PDE4B: variants seen among roughly 807,000 people sequenced by gnomAD.
PDE4B encodes phosphodiesterase 4B, also known as 3',5'-cyclic-AMP phosphodiesterase 4B.
Under a neutral mutation model 82.2 loss-of-function variants are expected in PDE4B, and 20 were observed. That is an observed-to-expected ratio of 0.24 (90% CI 0.17 to 0.35). The LOEUF is 0.35. Ranked by LOEUF, PDE4B falls within the 10% of genes least tolerant of loss-of-function variation. The pLI is 1.00. For synonymous variants in PDE4B, 320 were observed against 318.9 expected (o/e 1.00, Z -0.04); for missense variants, 655 against 907.2 (o/e 0.72, Z 3.57).
At chr1:66,012,948 A>G (rs982352969) in intron 3 of PDE4B, among the ~76,000 whole-genome samples, 1 of 152,118 alleles carries the variant, frequency 6.6e-6, no homozygotes, top group African/African-American at 2.4e-5. Context: ...ATACGGTACT[A>G]TTAGTATCCC....
At chr1:66,011,556 G>A (rs953547132) in intron 3 of PDE4B, among the ~76,000 whole-genome samples, 4 of 152,034 alleles carry the variant, frequency 2.6e-5, no homozygotes, top group African/African-American at 9.7e-5. Context: ...TTATGTAGAA[G>A]AGAAAATTTT....
intron 3 of PDE4B, among the ~76,000 whole-genome samples, chr1:66,097,374 A>G (rs1313890086): frequency 6.6e-6 from 1 of 152,066 alleles, no homozygotes; most frequent in African/African-American, 2.4e-5. Flanking sequence ...AGATATTTGT[A>G]TGTGTTTATT....
chr1:66,351,063 T>C (rs763892406), intron 8 of PDE4B, among the ~76,000 whole-genome samples: 8 of 152,234 alleles, frequency 5.3e-5, no homozygotes, highest in Non-Finnish European at 8.8e-5. Context: ...TCTTCCCTTT[T>C]CAAAAAATAG....
At chr1:66,140,789 G>A (rs565457368) in intron 3 of PDE4B, among the ~76,000 whole-genome samples, 1 of 152,118 alleles carries the variant, frequency 6.6e-6, no homozygotes, top group Non-Finnish European at 1.5e-5. Flanking sequence ...CATTTTCATT[G>A]GGAGGAGTAG....
chr1:65,990,007 A>T (rs1341309585), intron 3 of PDE4B, among the ~76,000 whole-genome samples: 2 of 149,798 alleles, frequency 1.3e-5, no homozygotes, highest in African/African-American at 4.9e-5. Context: ...ATTATCTTTT[A>T]AATTTTATAT....
intron 3 of PDE4B, among the ~76,000 whole-genome samples, chr1:65,949,764 A>G (rs1351636961): frequency 1.1e-4 from 16 of 152,006 alleles, no homozygotes; most frequent in Admixed American, 7.2e-4. Flanking sequence ...ATACCTTTGT[A>G]TAACTTCAAA....
In PDE4B at chr1:66,150,326, G is replaced by A. The variant is rs2311456; in HGVS notation, c.282-97134G>A. Among the ~76,000 whole-genome samples, 1,469 of 152,096 alleles carry A rather than the reference G, an allele frequency of 9.7e-3. 30 individuals carry two copies. Among genetic ancestry groups the A allele is most frequent in the African/African-American group, 0.034 (1,410 of 41,512 alleles). On this transcript the variant is annotated intron_variant, in intron 3 of 16. Transcript: ENST00000341517. ...AGGCATTGCACTGGCTCTGAAGATC[G>A]TTTTCACATTATTCATTGCTAACAT...
At chr1:66,156,213 C>T (rs1646497915) in intron 3 of PDE4B, among the ~76,000 whole-genome samples, 1 of 152,092 alleles carries the variant, frequency 6.6e-6, no homozygotes, top group South Asian at 2.1e-4. Context: ...GTGAAAGGAA[C>T]CTAAAAGGGT....
chr1:65,905,640 GA>G (rs1180129013), intron 1 of PDE4B, among the ~76,000 whole-genome samples: 2 of 152,132 alleles, frequency 1.3e-5, no homozygotes, highest in African/African-American at 4.8e-5. Flanking sequence ...AGAATAGAGA[GA>G]GGGGGAGTGG....
rs539122808 is a variant in PDE4B, at chr1:66,004,823, CTGTTTATTTATT to C, written c.281+86002_281+86013del. Among the ~76,000 whole-genome samples the C allele has an allele frequency of 1.9e-4, 29 of 152,072 alleles. No homozygotes were observed. The East Asian group carries it at 3.1e-3, about 16-fold the overall frequency. ...GTTTCCTGGCACCACCACTTACAAA[CTGTTTATTTATT>C]TGTTTATTTATTTATTTATTTTTTG... On this transcript the variant is annotated intron_variant, in intron 3 of 16. Transcript: ENST00000341517.
intron 8 of PDE4B, chr1:66,354,372 G>A (rs964314688): frequency 2.0e-6 from 2 of 985,774 alleles, no homozygotes; most frequent in Non-Finnish European, 2.4e-6. Context: ...ATATTCATGG[G>A]GCTTCCTCCA....
chr1:66,294,644 T>C (rs1414913529), intron 7 of PDE4B, among the ~76,000 whole-genome samples: 1 of 152,192 alleles, frequency 6.6e-6, no homozygotes, highest in Non-Finnish European at 1.5e-5. Flanking sequence ...GTTTTTTTCT[T>C]GTCTATCTGT....
At chr1:66,023,596 A>T (rs1188779698) in intron 3 of PDE4B, among the ~76,000 whole-genome samples, 1 of 152,142 alleles carries the variant, frequency 6.6e-6, no homozygotes, top group African/African-American at 2.4e-5. Flanking sequence ...TGGAAGAGGG[A>T]ATTCCAGGTG....
intron 3 of PDE4B, among the ~76,000 whole-genome samples, chr1:66,097,297 T>G (rs897159262): frequency 6.6e-6 from 1 of 152,108 alleles, no homozygotes; most frequent in South Asian, 2.1e-4. Context: ...GCCATTCAAG[T>G]GGATGTCTTT....
chr1:65,897,580 G>A (rs1477436055), intron 1 of PDE4B, among the ~76,000 whole-genome samples: 1 of 152,010 alleles, frequency 6.6e-6, no homozygotes, highest in Non-Finnish European at 1.5e-5. Flanking sequence ...GTGAGAGCGT[G>A]TGTATTTGGT....
intron 3 of PDE4B, among the ~76,000 whole-genome samples, chr1:65,949,975 C>G (rs1648911018): frequency 6.6e-6 from 1 of 152,066 alleles, no homozygotes; most frequent in Non-Finnish European, 1.5e-5. Context: ...CCAGCTTTCT[C>G]TGATGCACTG....
At chr1:66,091,978 A>T (rs1347939229) in intron 3 of PDE4B, among the ~76,000 whole-genome samples, 1 of 152,074 alleles carries the variant, frequency 6.6e-6, no homozygotes, top group Non-Finnish European at 1.5e-5. Context: ...CACAATTAAG[A>T]GTAAAATTTG....
At chr1:66,215,274 A>C (rs2101587966) in intron 3 of PDE4B, among the ~76,000 whole-genome samples, 1 of 152,342 alleles carries the variant, frequency 6.6e-6, no homozygotes, top group Non-Finnish European at 1.5e-5. Flanking sequence ...TATAGTTTTG[A>C]AAGTCAGTGA....
intron 6 of PDE4B, among the ~76,000 whole-genome samples, chr1:66,260,327 A>C (rs1654590453): frequency 6.6e-6 from 1 of 152,164 alleles, no homozygotes; most frequent in African/African-American, 2.4e-5. Flanking sequence ...CATTTGCCAA[A>C]CCTGTTAAGT....
Sources: gnomAD v4.1 joint callset for allele counts (sites outside exome capture counted in the v4.1 genomes callset) on GRCh38, gnomAD v4.1.1 for gene constraint, MANE v1.5 for transcripts, NCBI Gene and HGNC (gene_info 2026-07-23, HGNC 2026-07-21) for gene names.